MAP7D2: variants seen among roughly 807,000 people sequenced by gnomAD.
MAP7D2 encodes MAP7 domain containing 2.
MAP7D2 carries 33 observed loss-of-function variants against 63.5 expected under a neutral mutation model. The observed-to-expected ratio is 0.52, with a 90% confidence interval of 0.39 to 0.70. The LOEUF (loss-of-function observed/expected upper bound fraction) is 0.70. Among genes scored for constraint, MAP7D2 ranks in the 30% least tolerant of loss-of-function variants. The probability of loss-of-function intolerance (pLI) is 0.00; values close to 1 mark genes in which losing one functional copy is unlikely to be tolerated. For synonymous variants in MAP7D2, 224 were observed against 223.7 expected (o/e 1.00, Z -0.01); for missense variants, 626 against 604.0 (o/e 1.04, Z -0.38).
chrX:20,061,732 C>A (rs1313895180), intron 3 of MAP7D2, among the ~76,000 whole-genome samples: 1 of 112,777 alleles, frequency 8.9e-6, no homozygotes, highest in East Asian at 2.8e-4. Context: ...TTTAACATGC[C>A]TCCAGCACTA....
intron 1 of MAP7D2, among the ~76,000 whole-genome samples, chrX:20,086,137 C>T (rs1244940325): frequency 8.9e-6 from 1 of 112,495 alleles, no homozygotes; most frequent in Non-Finnish European, 1.9e-5. Flanking sequence ...AAAGGCATTT[C>T]AAATACAGGC....
In MAP7D2 at chrX:20,066,434, T is replaced by A. The variant is rs965426396; in HGVS notation, c.131-1629A>T. 2.7e-5 allele frequency among the ~76,000 whole-genome samples: 3 copies of A among 112,025 alleles called. No individual in the cohort carries two copies. In the East Asian group the frequency reaches 8.4e-4, roughly 32 times the overall value. On this transcript the variant is annotated intron_variant, in intron 1 of 16. Transcript: ENST00000379643. ...CGTGACAAACACTGGATTGTCATGA[T>A]TCCCCACATACATCTGGTTTTGCAG...
At chrX:20,060,738 G>A (rs979377008) in intron 3 of MAP7D2, among the ~76,000 whole-genome samples, 1 of 110,648 alleles carries the variant, frequency 9.0e-6, no homozygotes, top group Non-Finnish European at 1.9e-5. Flanking sequence ...TGAGTTTAAG[G>A]TCAGGGTGTC....
At chrX:20,094,487 CATATATATATATAT>C (rs1216874865) in intron 1 of MAP7D2, among the ~76,000 whole-genome samples, 1 of 15,094 alleles carries the variant, frequency 6.6e-5, no homozygotes, top group Non-Finnish European at 1.0e-4. Flanking sequence ...AAAATACATA[CATATATATATATAT>C]ATATATATAT....
At position 20,052,138 on chromosome X, in the gene MAP7D2, C is replaced by G. The variant is rs1042049898; in HGVS notation, c.595+740G>C. Among the ~76,000 whole-genome samples the G allele has an allele frequency of 2.7e-5, 3 of 112,665 alleles. No homozygotes were observed. The Admixed American group carries it at 2.8e-4, about 11-fold the overall frequency. On this transcript the variant is annotated intron_variant, in intron 5 of 16. Transcript: ENST00000379643. The stretch of plus-strand genomic sequence containing the variant: ...GTGATAACTTGTGCTAAACACTCCA[C>G]TGGCACCTGATACTTCTTCAATGTT...
rs548702662 is a variant in MAP7D2, at chrX:20,041,137, G to A, written c.1007+1365C>T. On this transcript the variant is annotated intron_variant, in intron 8 of 16. Coordinates refer to ENST00000379643, the MANE Select transcript of MAP7D2 (RefSeq NM_001168465.2). The stretch of plus-strand genomic sequence containing the variant: ...GGGTGGAGCCTGTAAAAGTCTCAGC[G>A]TAAACTAGGCTTTTCTTTCTGTTAA... Among the ~76,000 whole-genome samples the A allele has an allele frequency of 2.3e-4, 26 of 111,530 alleles. 1 individual carries two copies. In the South Asian group the frequency reaches 8.3e-3, roughly 36 times the overall value.
intron 1 of MAP7D2, among the ~76,000 whole-genome samples, chrX:20,095,934 T>C (rs2066245055): frequency 1.9e-5 from 2 of 107,605 alleles, no homozygotes; most frequent in Non-Finnish European, 3.8e-5. Context: ...ACAAAAAAAT[T>C]AGCCAGGCAT....
intron 3 of MAP7D2, among the ~76,000 whole-genome samples, chrX:20,059,829 G>A (rs2065162987): frequency 1.8e-5 from 2 of 111,412 alleles, no homozygotes; most frequent in African/African-American, 3.3e-5. Context: ...CACACTTGAT[G>A]CCTTGAGGTC....
intron 1 of MAP7D2, among the ~76,000 whole-genome samples, chrX:20,091,235 T>A (rs181852314): frequency 4.0e-4 from 43 of 107,246 alleles, no homozygotes; most frequent in Non-Finnish European, 7.0e-4. Flanking sequence ...GTATTTTTAC[T>A]AGAGATGGGG....
chrX:20,102,821 T>C (rs12391275), intron 1 of MAP7D2, among the ~76,000 whole-genome samples: 45,105 of 107,582 alleles, frequency 0.42, 10,099 homozygotes, highest in African/African-American at 0.84. Context: ...ATCCCACTAA[T>C]GAGAAGGGTA....
intron 6 of MAP7D2, among the ~76,000 whole-genome samples, chrX:20,045,710 G>A (rs2064782860): frequency 9.0e-6 from 1 of 110,620 alleles, no homozygotes; most frequent in African/African-American, 3.3e-5. Context: ...TTGCTGAAAC[G>A]TGGTAAAATC....
At chrX:20,060,488 A>AAGAG (rs1446997989) in intron 3 of MAP7D2, among the ~76,000 whole-genome samples, 2 of 97,707 alleles carry the variant, frequency 2.0e-5, no homozygotes, top group Non-Finnish European at 4.3e-5. Context: ...GAAAGAAAGA[A>AAGAG]AGAGAAAGAG....
intron 10 of MAP7D2, among the ~76,000 whole-genome samples, chrX:20,019,539 C>A (rs1407917433): frequency 8.9e-6 from 1 of 111,970 alleles, no homozygotes; most frequent in Non-Finnish European, 1.9e-5. Context: ...CAGCACCTCG[C>A]CCCCTTTTCT....
chrX:20,091,713 G>A (rs1399102417), intron 1 of MAP7D2, among the ~76,000 whole-genome samples: 1 of 111,171 alleles, frequency 9.0e-6, no homozygotes, highest in Non-Finnish European at 1.9e-5. Flanking sequence ...CCACAGCAAG[G>A]GCCTGCTGGT....
At position 20,101,561 on chromosome X, in the gene MAP7D2, C is replaced by T. The variant is rs774858611; in HGVS notation, c.130+15189G>A. Among the ~76,000 whole-genome samples the T allele has an allele frequency of 3.8e-3, 423 of 112,156 alleles. 2 individuals carry two copies. The highest frequency in any genetic ancestry group is 0.013 in the African/African-American group (393 of 30,896). ...ATTCCACTTCTAGGTATGTACCCAA[C>T]AGAAATGTATGGGCATCAAGGTATC... On this transcript the variant is annotated intron_variant, in intron 1 of 16. Transcript: ENST00000379643.
rs779533135 is a variant in MAP7D2 at position 20,025,776 on chromosome X, G to A, written c.1184C>T (p.Pro395Leu). ...EGTLAQQAAG[P>L]QGEEALEKHV... ...CTTCTCTAGGGCTTCCTCTCCTTGC[G>A]GGCCAGCAGCCTGCTGAGCCAAGGT... is the stretch of plus-strand genomic sequence containing the variant. Residue 395 changes from proline to leucine, a missense_variant, in exon 9 of 17, where the codon CCG becomes CTG. Transcript: ENST00000379643. 12 of 1,209,879 alleles carry A rather than the reference G, an allele frequency of 9.9e-6. No individual in the cohort carries two copies. Among genetic ancestry groups the A allele is most frequent in the South Asian group, 7.0e-5 (4 of 56,814 alleles).
In MAP7D2 at chrX:20,016,338, C is replaced by A; in HGVS notation, c.1413-13G>T. Reference sequence around the variant, plus strand: ...CTCTCTCTCCAGCCTTTTGAGAATACAACTGTTGTTAGAAGATGACATGCT... The same window carrying A: ...CTCTCTCTCCAGCCTTTTGAGAATAAAACTGTTGTTAGAAGATGACATGCT... On this transcript the variant is annotated splice_polypyrimidine_tract_variant and intron_variant, in intron 10 of 16. Coordinates refer to ENST00000379643, the MANE Select transcript of MAP7D2 (RefSeq NM_001168465.2). 8.4e-7 allele frequency: 1 copy of A among 1,196,590 alleles called. No homozygotes were observed. The highest frequency in any genetic ancestry group is 1.1e-6 in the Non-Finnish European group (1 of 885,259).
Position 20,007,852 on chromosome X carries a change from T to C in MAP7D2, c.*573A>G, listed in dbSNP as rs1339861318. 2 of 112,380 alleles carry C rather than the reference T, an allele frequency of 1.8e-5. No homozygotes were observed. Among genetic ancestry groups the C allele is most frequent in the African/African-American group, 6.5e-5 (2 of 30,990 alleles). The allele number at this position is 112,380 out of a possible 1,213,427, so 9.3% of individuals were successfully genotyped here. On this transcript the variant is annotated 3_prime_UTR_variant, in exon 17 of 17. Transcript: ENST00000379643. ...AGAATAATGTGGGGCAATGCATTTC[T>C]GCAGGTGGCAAAGCTTAACAACAAT... is the stretch of plus-strand genomic sequence containing the variant.
chrX:20,111,870 A>G lies in MAP7D2; in HGVS notation c.130+4880T>C, dbSNP rs2066752374. Among the ~76,000 whole-genome samples the G allele has an allele frequency of 6.3e-5, 7 of 111,844 alleles. No individual in the cohort carries two copies. The Admixed American group carries it at 6.7e-4, about 11-fold the overall frequency. On this transcript the variant is annotated intron_variant, in intron 1 of 16. Transcript: ENST00000379643. ...ACTGCAGCCTCGACCTCATGGGCTT[A>G]AGCAATCTTCCCGCCTCAGCCCCTA... is the stretch of plus-strand genomic sequence containing the variant.
Sources: gnomAD v4.1 joint callset for allele counts (sites outside exome capture counted in the v4.1 genomes callset) on GRCh38, gnomAD v4.1.1 for gene constraint, MANE v1.5 for transcripts, NCBI Gene and HGNC (gene_info 2026-07-23, HGNC 2026-07-21) for gene names.